The following SLC4A4 variants were observed in gnomAD, a reference collection of about 807,000 sequenced individuals.
SLC4A4 encodes the protein electrogenic sodium bicarbonate cotransporter 1.
In SLC4A4, 27 loss-of-function variants were observed where a neutral mutation model predicts 111.5. The ratio of observed to expected loss-of-function variants is 0.24; its 90% CI spans 0.18 to 0.33. The LOEUF is 0.33. Ranked by LOEUF, SLC4A4 falls within the 10% of genes least tolerant of loss-of-function variation. SLC4A4 has a pLI of 1.00. For synonymous variants in SLC4A4, 443 were observed against 463.4 expected, an observed-to-expected ratio of 0.96 and a Z score of 0.57; for missense variants, 909 against 1,315.5, an observed-to-expected ratio of 0.69 and a Z score of 4.78.
intron 1 of SLC4A4, among the ~76,000 whole-genome samples, chr4:71,080,573 T>C (rs529406514): frequency 3.9e-4 from 60 of 152,260 alleles, no homozygotes; most frequent in African/African-American, 1.4e-3. Context: ...CTCAGGTGTT[T>C]TCCCCATCCC....
At chr4:71,292,842 GTTTTTTTTTT>G (rs869195687) in intron 3 of SLC4A4, among the ~76,000 whole-genome samples, 1 of 110,184 alleles carries the variant, frequency 9.1e-6, no homozygotes, top group South Asian at 3.3e-4. Flanking sequence ...GGTTTTTTTT[GTTTTTTTTTT>G]TTTTTTTTTG....
At chr4:71,378,433 C>T (rs1717748577) in intron 6 of SLC4A4, among the ~76,000 whole-genome samples, 2 of 152,186 alleles carry the variant, frequency 1.3e-5, no homozygotes, top group African/African-American at 4.8e-5. Flanking sequence ...GTTGCCAGTT[C>T]AAGGTCTACT....
At chr4:71,087,284 A>T (rs140140864) in intron 1 of SLC4A4, among the ~76,000 whole-genome samples, 1,818 of 150,612 alleles carry the variant, frequency 0.012, 45 homozygotes, top group African/African-American at 0.042. Flanking sequence ...CATCTATTTG[A>T]GTCTTCTCTC....
At chr4:71,257,566 G>C (rs1721545160) in intron 3 of SLC4A4, among the ~76,000 whole-genome samples, 1 of 152,152 alleles carries the variant, frequency 6.6e-6, no homozygotes, top group South Asian at 2.1e-4. Context: ...GGAAGCCATA[G>C]GGCTCTGGCA....
At position 71,324,009 on chromosome 4, in the gene SLC4A4, A is replaced by G. The variant is rs140776690; in HGVS notation, c.254-15361A>G. Among the ~76,000 whole-genome samples the G allele has an allele frequency of 1.1e-4, 17 of 152,042 alleles. No homozygotes were observed. In the South Asian group the frequency reaches 1.7e-3, roughly 15 times the overall value. On this transcript the variant is annotated intron_variant, in intron 3 of 25. Coordinates refer to ENST00000264485, the MANE Select transcript of SLC4A4 (RefSeq NM_001098484.3). The stretch of plus-strand genomic sequence containing the variant: ...CTTCCAGGTGTTTTTTTGCAGATAG[A>G]GGGCATCAACAGAGGGCTGTAGCCA...
In SLC4A4 at chr4:71,336,598, A is replaced by G. The variant is rs187698349; in HGVS notation, c.254-2772A>G. 1.4e-3 allele frequency among the ~76,000 whole-genome samples: 211 copies of G among 152,250 alleles called. 2 individuals are homozygous for G. In the South Asian group the frequency reaches 0.015, roughly 10 times the overall value. On this transcript the variant is annotated intron_variant, in intron 3 of 25. Transcript: ENST00000264485. The stretch of plus-strand genomic sequence containing the variant: ...GAGCATGCATTTTTTTTCAATGCCT[A>G]GACAAACTGTCATGCTCTCTAAATG...
chr4:71,185,399 G>C (rs1039285655), upstream of SLC4A4, among the ~76,000 whole-genome samples: 2 of 152,180 alleles, frequency 1.3e-5, no homozygotes, highest in African/African-American at 4.8e-5. Context: ...CATTAGCCTA[G>C]AAACAGAACA....
At chr4:71,544,714 T>G (rs996439343) in intron 18 of SLC4A4, among the ~76,000 whole-genome samples, 8 of 152,102 alleles carry the variant, frequency 5.3e-5, no homozygotes, top group Admixed American at 4.6e-4. Flanking sequence ...CTCCTCCATT[T>G]CAAACCCTCC....
At chr4:71,208,637 A>G (rs551394187) in intron 1 of SLC4A4, among the ~76,000 whole-genome samples, 6 of 151,778 alleles carry the variant, frequency 4.0e-5, no homozygotes, top group Non-Finnish European at 7.4e-5. Flanking sequence ...AAATCTCATA[A>G]TCTCATTTAA....
At chr4:71,567,280 A>G (rs1337978558) in intron 25 of SLC4A4, among the ~76,000 whole-genome samples, 197 bp downstream of exon 25, 1 of 151,762 alleles carries the variant, frequency 6.6e-6, no homozygotes, top group Non-Finnish European at 1.5e-5. Context: ...TACTATTACA[A>G]ATAATGGAAT....
intron 6 of SLC4A4, among the ~76,000 whole-genome samples, chr4:71,387,466 T>C (rs140005783): frequency 6.6e-5 from 10 of 152,280 alleles, no homozygotes; most frequent in African/African-American, 1.9e-4. Context: ...AAGTTTACCA[T>C]TTTGAAGTGG....
chr4:71,133,793 G>A (rs910676947), intron 2 of SLC4A4, among the ~76,000 whole-genome samples: 3 of 152,148 alleles, frequency 2.0e-5, no homozygotes, highest in Non-Finnish European at 4.4e-5. Flanking sequence ...CCCTGATACC[G>A]AACTTGGCAC....
At chr4:71,369,743 G>A (rs1385124162) in intron 6 of SLC4A4, among the ~76,000 whole-genome samples, 1 of 152,122 alleles carries the variant, frequency 6.6e-6, no homozygotes, top group African/African-American at 2.4e-5. Context: ...AACATGCACA[G>A]GAAGCTACAT....
chr4:71,111,632 C>A (rs866323448), intron 2 of SLC4A4, among the ~76,000 whole-genome samples: 1 of 147,070 alleles, frequency 6.8e-6, no homozygotes, highest in Non-Finnish European at 1.5e-5. Flanking sequence ...TCCACCCCAC[C>A]CGCCTTGGCC....
Position 71,216,189 on chromosome 4 carries a change from G to A in SLC4A4, c.-1-20387G>A, listed in dbSNP as rs575607004. ...CCCCCAATGTGCTGGGATTACAGGC[G>A]TGAGCCACAACTCCCAGCTATCATT... On this transcript the variant is annotated intron_variant, in intron 1 of 25. Coordinates refer to ENST00000264485, the MANE Select transcript of SLC4A4 (RefSeq NM_001098484.3). 5.9e-5 allele frequency among the ~76,000 whole-genome samples: 9 copies of A among 152,272 alleles called. No individual in the cohort carries two copies. The South Asian group carries it at 6.2e-4, about 11-fold the overall frequency.
intron 14 of SLC4A4, among the ~76,000 whole-genome samples, chr4:71,476,877 T>C (rs537676012): frequency 6.6e-6 from 1 of 151,870 alleles, no homozygotes; most frequent in East Asian, 2.0e-4. Context: ...TGCTAAGATT[T>C]GCTTTTCTTA....
intron 7 of SLC4A4, among the ~76,000 whole-genome samples, chr4:71,434,232 T>A (rs531688807): frequency 6.6e-6 from 1 of 152,206 alleles, no homozygotes; most frequent in South Asian, 2.1e-4. Flanking sequence ...CTGATAAAGT[T>A]GAGTGGTTGA....
At chr4:71,375,667 G>T (rs1246565770) in intron 6 of SLC4A4, among the ~76,000 whole-genome samples, 1 of 151,992 alleles carries the variant, frequency 6.6e-6, no homozygotes, top group African/African-American at 2.4e-5. Context: ...ATTTCTTAAG[G>T]GCAGGAATGT....
In SLC4A4 at chr4:71,157,269, G is replaced by C. The variant is rs2602093; in HGVS notation, c.-2+64477G>C. Among the ~76,000 whole-genome samples, 1,002 of 152,178 alleles carry C rather than the reference G, an allele frequency of 6.6e-3. 14 individuals are homozygous for C. The highest frequency in any genetic ancestry group is 0.023 in the African/African-American group (945 of 41,508). Reference sequence around the variant, plus strand: ...GCACTAATGCAATCCAAAGTTAGTAGTGTGTGTAATAAAGCCATGCCACTT... The same window carrying C: ...GCACTAATGCAATCCAAAGTTAGTACTGTGTGTAATAAAGCCATGCCACTT... On this transcript the variant is annotated intron_variant, in intron 2 of 26. Transcript: ENST00000649996.
Sources: allele counts gnomAD v4.1 joint callset (sites outside exome capture counted in the v4.1 genomes callset), GRCh38; gene constraint gnomAD v4.1.1; transcripts MANE v1.5; gene names NCBI Gene and HGNC (gene_info 2026-07-23, HGNC 2026-07-21).